Variants in KAZN observed in about 807,000 individuals in gnomAD.
The protein encoded by KAZN is kazrin, periplakin interacting protein.
KAZN carries 40 observed loss-of-function variants against 87.4 expected under a neutral mutation model. The ratio of observed to expected loss-of-function variants is 0.46; its 90% CI spans 0.36 to 0.60. KAZN has a LOEUF of 0.60. Ranked by LOEUF, KAZN falls within the 20% of genes least tolerant of loss-of-function variation. The probability of loss-of-function intolerance (pLI) is 0.00; values close to 1 mark genes in which losing one functional copy is unlikely to be tolerated. For missense variants in KAZN, 898 were observed against 1,073.9 expected, an observed-to-expected ratio of 0.84 and a Z score of 2.29; for synonymous variants, 466 against 458.3, an observed-to-expected ratio of 1.02 and a Z score of -0.22.
At chr1:14,898,176 T>A (rs1403432110) in intron 1 of KAZN, among the ~76,000 whole-genome samples, 1 of 152,132 alleles carries the variant, frequency 6.6e-6, no homozygotes, top group Non-Finnish European at 1.5e-5. Flanking sequence ...TTCCCCAAGG[T>A]TCCTTCCACC....
intron 2 of KAZN, among the ~76,000 whole-genome samples, chr1:14,535,299 T>C (rs2148486926): frequency 6.6e-6 from 1 of 152,336 alleles, no homozygotes; most frequent in African/African-American, 2.4e-5. Context: ...ATAAATAGGC[T>C]TGCATCTTAC....
intron 2 of KAZN, among the ~76,000 whole-genome samples, chr1:15,019,020 A>T (rs1417495927): frequency 1.3e-5 from 2 of 152,210 alleles, no homozygotes; most frequent in Non-Finnish European, 2.9e-5. Flanking sequence ...GCTGAGCAGG[A>T]CCTGAATCCT....
chr1:14,551,890 G>A (rs12031233), intron 2 of KAZN, among the ~76,000 whole-genome samples: 36,713 of 151,886 alleles, frequency 0.24, 5,819 homozygotes, highest in Non-Finnish European at 0.36. Flanking sequence ...CCTTGGCCCC[G>A]TGGGATGAAA....
chr1:14,844,930 G>A (rs1006754301), intron 1 of KAZN, among the ~76,000 whole-genome samples: 1 of 152,134 alleles, frequency 6.6e-6, no homozygotes, highest in Non-Finnish European at 1.5e-5. Flanking sequence ...GGGGAGATGG[G>A]TGGATGGCTG....
chr1:15,029,856 C>A (rs1038487589), intron 2 of KAZN, among the ~76,000 whole-genome samples: 16 of 152,216 alleles, frequency 1.1e-4, no homozygotes, highest in Admixed American at 9.2e-4. Context: ...ATGCGACCTG[C>A]TGAGTAGCAG....
chr1:14,966,322 A>G (rs1664453092), intron 2 of KAZN, among the ~76,000 whole-genome samples: 1 of 151,942 alleles, frequency 6.6e-6, no homozygotes, highest in Non-Finnish European at 1.5e-5. Context: ...ATTTTCCCAA[A>G]CAGATTCGAG....
chr1:14,453,797 C>G (rs1415013487), intron 2 of KAZN, among the ~76,000 whole-genome samples: 6 of 152,044 alleles, frequency 3.9e-5, no homozygotes. Context: ...GATTGCACCA[C>G]TGCACTCCAG....
intron 2 of KAZN, among the ~76,000 whole-genome samples, chr1:14,294,611 G>C (rs1653973988): frequency 6.7e-6 from 1 of 148,998 alleles, no homozygotes; most frequent in African/African-American, 2.5e-5. Context: ...AAGAGATGGG[G>C]GTTCTTCTTT....
chr1:14,365,974 GTTA>G (rs1374429803), intron 2 of KAZN, among the ~76,000 whole-genome samples: 22 of 152,162 alleles, frequency 1.4e-4, no homozygotes, highest in Admixed American at 1.1e-3. Context: ...GGAGGCCACA[GTTA>G]TTATTGTTAG....
chr1:14,457,140 G>A (rs187093472), intron 2 of KAZN, among the ~76,000 whole-genome samples: 108 of 152,318 alleles, frequency 7.1e-4, no homozygotes, highest in Non-Finnish European at 1.4e-3. Flanking sequence ...CTGAATGGCT[G>A]TCCAAGGCTT....
intron 2 of KAZN, among the ~76,000 whole-genome samples, chr1:14,993,482 A>AATC (rs767517961): frequency 2.6e-5 from 4 of 151,384 alleles, no homozygotes; most frequent in Admixed American, 6.6e-5. Flanking sequence ...AAAAAAAAAT[A>AATC]ATCATCATCA....
At chr1:14,296,576 T>C (rs1214344542) in intron 2 of KAZN, among the ~76,000 whole-genome samples, 1 of 151,612 alleles carries the variant, frequency 6.6e-6, no homozygotes. Context: ...TCTGACCACA[T>C]ATTTGAAAAC....
At chr1:14,524,567 C>A (rs1350239854) in intron 2 of KAZN, among the ~76,000 whole-genome samples, 2 of 152,196 alleles carry the variant, frequency 1.3e-5, no homozygotes, top group Non-Finnish European at 2.9e-5. Flanking sequence ...ATATTTTAAA[C>A]ACTATTTTAT....
At chr1:14,416,423 T>TG (rs1370426773) in intron 2 of KAZN, among the ~76,000 whole-genome samples, 1 of 152,192 alleles carries the variant, frequency 6.6e-6, no homozygotes, top group African/African-American at 2.4e-5. Flanking sequence ...AGAGAACATT[T>TG]GCCTTGATAG....
chr1:14,257,166 G>A (rs575531573), intron 2 of KAZN, among the ~76,000 whole-genome samples: 12 of 152,330 alleles, frequency 7.9e-5, no homozygotes, highest in African/African-American at 2.4e-4. Flanking sequence ...TTGAAAAGAA[G>A]GGGGAAGGGA....
At chr1:14,287,798 A>G (rs539421246) in intron 2 of KAZN, among the ~76,000 whole-genome samples, 3 of 152,288 alleles carry the variant, frequency 2.0e-5, no homozygotes, top group East Asian at 3.9e-4. Flanking sequence ...CCCATTCAGT[A>G]TGATATTGGC....
chr1:14,501,455 A>G (rs563596870), intron 2 of KAZN, among the ~76,000 whole-genome samples: 182 of 152,336 alleles, frequency 1.2e-3, no homozygotes, highest in Non-Finnish European at 1.3e-3. Context: ...CCATCAAGAT[A>G]TAAGATGTAA....
chr1:14,650,040 T>TG (rs1243865424), intron 1 of KAZN, among the ~76,000 whole-genome samples: 3 of 78,672 alleles, frequency 3.8e-5, no homozygotes, highest in Admixed American at 2.1e-4. Flanking sequence ...ATCTTTTTTT[T>TG]TTTTTTTTTT....
intron 2 of KAZN, among the ~76,000 whole-genome samples, chr1:14,201,309 C>T (rs1415223105): frequency 2.0e-5 from 3 of 152,222 alleles, no homozygotes; most frequent in Non-Finnish European, 2.9e-5. Context: ...CACAAGAAAG[C>T]ACATGAGGTG....
Sources: allele counts gnomAD v4.1 joint callset (sites outside exome capture counted in the v4.1 genomes callset), GRCh38; gene constraint gnomAD v4.1.1; transcripts MANE v1.5; gene names NCBI Gene and HGNC (gene_info 2026-07-23, HGNC 2026-07-21).